The following ORC3 variants were observed in gnomAD, a reference collection of about 807,000 sequenced individuals.
ORC3 encodes the protein homolog of latheo, Drosophila.
A neutral mutation model predicts 100.7 loss-of-function variants in ORC3; 78 were observed. The ratio of observed to expected loss-of-function variants is 0.77; its 90% confidence interval spans 0.65 to 0.94. The LOEUF (loss-of-function observed/expected upper bound fraction) is 0.94. Among genes scored for constraint, ORC3 ranks in the 40% least tolerant of loss-of-function variants. The pLI is 0.00. For synonymous variants in ORC3, 295 were observed against 289.3 expected, an observed-to-expected ratio of 1.02 and a Z score of -0.20; for missense variants, 789 against 823.9, an observed-to-expected ratio of 0.96 and a Z score of 0.52.
intron 2 of ORC3, among the ~76,000 whole-genome samples, chr6:87,596,104 T>C (rs1468437612): frequency 2.0e-5 from 3 of 152,098 alleles, no homozygotes; most frequent in African/African-American, 7.2e-5. Context: ...GACCTCAAAG[T>C]GCTGGGATTA....
chr6:87,638,050 A>G (rs1004345018), intron 13 of ORC3, among the ~76,000 whole-genome samples: 1 of 152,212 alleles, frequency 6.6e-6, no homozygotes, highest in African/African-American at 2.4e-5. Context: ...CAAAGCTGTT[A>G]TACCTTCTGC....
At chr6:87,641,058 G>A (rs1442380504) in intron 13 of ORC3, among the ~76,000 whole-genome samples, 5 of 151,578 alleles carry the variant, frequency 3.3e-5, no homozygotes, top group Admixed American at 1.3e-4. Flanking sequence ...GCAGTGAGCC[G>A]AGACCTTGCC....
intron 11 of ORC3, among the ~76,000 whole-genome samples, chr6:87,627,917 T>C (rs528918500): frequency 6.6e-6 from 1 of 152,202 alleles, no homozygotes; most frequent in Non-Finnish European, 1.5e-5. Flanking sequence ...ACTAATCTAT[T>C]AAGTTCCCAC....
At chr6:87,626,588 C>A (rs1483226699) in intron 11 of ORC3, among the ~76,000 whole-genome samples, 1 of 152,068 alleles carries the variant, frequency 6.6e-6, no homozygotes, top group African/African-American at 2.4e-5. Context: ...GAGTTTGAGA[C>A]CAGCCTGGAC....
downstream of ORC3, among the ~76,000 whole-genome samples, chr6:87,669,328 T>C (rs965013399): frequency 6.6e-6 from 1 of 152,174 alleles, no homozygotes; most frequent in Non-Finnish European, 1.5e-5. Context: ...CCAGCGTAGG[T>C]AGTTAAGTTA....
At chr6:87,636,615 A>G (rs1767851955) in intron 13 of ORC3, 129 bp downstream of exon 13, 2 of 641,792 alleles carry the variant, frequency 3.1e-6, no homozygotes. Flanking sequence ...GAATATTTGC[A>G]TATATCTTGA....
chr6:87,653,211 G>A lies in ORC3; in HGVS notation c.1478G>A (p.Arg493Lys), dbSNP rs771512286. The stretch of plus-strand genomic sequence containing the variant: ...AACCACCTTGGCAGCACAGCTAAGA[G>A]AATAGAGGAGTTCCTGGCCCAGTTT... Reference protein sequence around the residue: ...CENHLGSTAKRIEEFLAQFQS... With the variant: ...CENHLGSTAKKIEEFLAQFQS... Residue 493 changes from arginine to lysine, a missense_variant, in exon 14 of 20, where the codon AGA (arginine) becomes AAA (lysine). Transcript: ENST00000392844. The A allele has an allele frequency of 3.7e-6, 6 of 1,613,942 alleles. No homozygotes were observed. In the South Asian group the frequency reaches 6.6e-5, roughly 18 times the overall value.
intron 1 of ORC3, among the ~76,000 whole-genome samples, chr6:87,593,968 T>TA (rs1347727093): frequency 6.6e-6 from 1 of 152,270 alleles, no homozygotes; most frequent in East Asian, 1.9e-4. Flanking sequence ...GTGCTGGGAT[T>TA]ACAGGCATGA....
chr6:87,630,014 A>T (rs552282252), intron 11 of ORC3, among the ~76,000 whole-genome samples: 2 of 152,026 alleles, frequency 1.3e-5, no homozygotes, highest in African/African-American at 2.4e-5. Context: ...ACATACATTT[A>T]AAAAAAATGT....
chr6:87,671,196 T>G (rs1377147042), downstream of ORC3, among the ~76,000 whole-genome samples: 1 of 152,006 alleles, frequency 6.6e-6, no homozygotes, highest in Non-Finnish European at 1.5e-5. Context: ...TAGAATAGGA[T>G]GGGTGAGAGG....
At chr6:87,600,111 G>A (rs1334629800) in intron 2 of ORC3, among the ~76,000 whole-genome samples, 5 of 152,084 alleles carry the variant, frequency 3.3e-5, no homozygotes, top group Admixed American at 3.3e-4. Flanking sequence ...AAAATCAATA[G>A]TTGCTAAAAA....
At chr6:87,627,246 G>A (rs189727821) in intron 11 of ORC3, among the ~76,000 whole-genome samples, 165 of 146,896 alleles carry the variant, frequency 1.1e-3, no homozygotes, top group African/African-American at 3.4e-3. Context: ...TAATCCACCC[G>A]CCTCGGCCCC....
intron 13 of ORC3, among the ~76,000 whole-genome samples, chr6:87,640,301 G>C (rs1235667690): frequency 6.6e-6 from 1 of 152,164 alleles, no homozygotes; most frequent in Non-Finnish European, 1.5e-5. Context: ...GAATGTTTAT[G>C]TCACATATTT....
chr6:87,628,683 G>T (rs1261888934), intron 11 of ORC3, among the ~76,000 whole-genome samples: 2 of 152,136 alleles, frequency 1.3e-5, no homozygotes, highest in Non-Finnish European at 2.9e-5. Flanking sequence ...CAAGTTCATG[G>T]TAGAGTAAGG....
At chr6:87,677,294 A>AT in the ORC3 span, among the ~76,000 whole-genome samples, 1 of 152,294 alleles carries the variant, frequency 6.6e-6, no homozygotes, top group Middle Eastern at 3.4e-3. Context: ...TAACACCTCT[A>AT]TATTAATTCC....
chr6:87,664,626 G>A, intron 17 of ORC3, 117 bp from the exon 18 acceptor site: 1 of 765,164 alleles, frequency 1.3e-6, no homozygotes, highest in Non-Finnish European at 2.2e-6. Flanking sequence ...CTAAATAAGG[G>A]AAACCAAGAT....
chr6:87,631,739 G>T (rs567105202), intron 11 of ORC3, among the ~76,000 whole-genome samples: 2 of 151,626 alleles, frequency 1.3e-5, no homozygotes, highest in African/African-American at 2.4e-5. Context: ...TGATCCACCC[G>T]CCTCGGCCTC....
At chr6:87,676,565 G>A in the ORC3 span, among the ~76,000 whole-genome samples, 1 of 143,594 alleles carries the variant, frequency 7.0e-6, no homozygotes, top group Non-Finnish European at 1.5e-5. Flanking sequence ...AGCCATCCTG[G>A]CTAACATGGT....
At chr6:87,646,119 C>T (rs978378193) in intron 13 of ORC3, among the ~76,000 whole-genome samples, 3 of 151,220 alleles carry the variant, frequency 2.0e-5, no homozygotes, top group Non-Finnish European at 4.4e-5. Context: ...CCTGAGTAGC[C>T]GGGACTACAG....
Sources: gnomAD v4.1 joint callset for allele counts (sites outside exome capture counted in the v4.1 genomes callset) on GRCh38, gnomAD v4.1.1 for gene constraint, MANE v1.5 for transcripts, NCBI Gene and HGNC (gene_info 2026-07-23, HGNC 2026-07-21) for gene names.